Variants in TFDP2 observed in about 807,000 individuals in gnomAD.
TFDP2 encodes the protein transcription factor Dp-2 (E2F dimerization partner 2).
A neutral mutation model predicts 59.3 loss-of-function variants in TFDP2; 17 were observed. The ratio of observed to expected loss-of-function variants is 0.29; its 90% CI spans 0.20 to 0.43. The LOEUF is 0.43. Ranked by LOEUF, TFDP2 falls within the 20% of genes least tolerant of loss-of-function variation. TFDP2 has a pLI of 1.00. For synonymous variants in TFDP2, 180 were observed against 194.7 expected (o/e 0.92, Z 0.63); for missense variants, 391 against 528.8 (o/e 0.74, Z 2.56).
intron 3 of TFDP2, among the ~76,000 whole-genome samples, chr3:142,052,323 G>T (rs1469813971): frequency 6.6e-6 from 1 of 151,946 alleles, no homozygotes; most frequent in Non-Finnish European, 1.5e-5. Context: ...AGATCACAAG[G>T]TCAGGAGATC....
At chr3:142,107,829 TAATA>T (rs1208385989) in intron 1 of TFDP2, among the ~76,000 whole-genome samples, 2 of 152,146 alleles carry the variant, frequency 1.3e-5, no homozygotes, top group South Asian at 2.1e-4. Context: ...ACTTGAGATA[TAATA>T]AATATATTCT....
chr3:141,993,643 A>C, intron 5 of TFDP2, 58 bp from the exon 6 acceptor site: 1 of 1,013,342 alleles, frequency 9.9e-7, no homozygotes, highest in Non-Finnish European at 1.5e-6. Context: ...ATTTAATTTC[A>C]TTAATACTTT....
intron 1 of TFDP2, among the ~76,000 whole-genome samples, chr3:142,129,743 G>A (rs1441509920): frequency 1.3e-5 from 2 of 150,940 alleles, no homozygotes; most frequent in Non-Finnish European, 3.0e-5. Context: ...GGCCAAACCA[G>A]CCTGGACAAC....
chr3:142,141,410 G>A (rs1235730606), intron 1 of TFDP2, among the ~76,000 whole-genome samples: 1 of 152,208 alleles, frequency 6.6e-6, no homozygotes, highest in Admixed American at 6.5e-5. Context: ...GATGAACCAG[G>A]TACCTCAGTT....
At chr3:142,057,054 C>T (rs1254608923) in intron 3 of TFDP2, among the ~76,000 whole-genome samples, 1 of 152,180 alleles carries the variant, frequency 6.6e-6, no homozygotes, top group Non-Finnish European at 1.5e-5. Context: ...TTCTTATGAA[C>T]AGGCCTACAC....
chr3:142,064,791 T>A (rs1432216682), intron 3 of TFDP2, among the ~76,000 whole-genome samples: 19 of 152,214 alleles, frequency 1.2e-4, no homozygotes, highest in Admixed American at 9.2e-4. Context: ...CAAAGTTGTA[T>A]AATTCTACCT....
rs936893347 is a variant in TFDP2, at chr3:142,065,698, A to G, written c.82+27363T>C. The stretch of plus-strand genomic sequence containing the variant: ...GGCTAATTTTTGTATTTTTTAGTAA[A>G]GAGGAGGTTTCGCCATGTTGGCCAG... On this transcript the variant is annotated intron_variant, in intron 3 of 12. Coordinates refer to ENST00000489671, the MANE Select transcript of TFDP2 (RefSeq NM_001178139.2). Among the ~76,000 whole-genome samples, 3 of 151,014 alleles carry G rather than the reference A, an allele frequency of 2.0e-5. No homozygotes were observed. The South Asian group carries it at 6.3e-4, about 32-fold the overall frequency.
At chr3:141,987,581 CGTGT>C (rs113061424) in intron 6 of TFDP2, among the ~76,000 whole-genome samples, 7 of 118,560 alleles carry the variant, frequency 5.9e-5, no homozygotes, top group African/African-American at 9.4e-5. Context: ...CTGCGCCTGG[CGTGT>C]GTGTGTGTGT....
At chr3:142,044,007 C>T (rs1302726837) in intron 3 of TFDP2, 7 of 698,988 alleles carry the variant, frequency 1.0e-5, no homozygotes, top group African/African-American at 1.8e-5. Flanking sequence ...GGTCTTTTTC[C>T]GGCATCAAGC....
At chr3:142,045,613 T>C (rs1184100748) in intron 3 of TFDP2, among the ~76,000 whole-genome samples, 4 of 3,690 alleles carry the variant, frequency 1.1e-3, no homozygotes, top group Non-Finnish European at 1.7e-3. Flanking sequence ...ATTATTTGAC[T>C]TTTTTTTTTT....
chr3:141,962,776 T>C (rs1051291714), intron 10 of TFDP2, among the ~76,000 whole-genome samples: 1 of 152,212 alleles, frequency 6.6e-6, no homozygotes, highest in Admixed American at 6.5e-5. Flanking sequence ...CAAGTAGCAG[T>C]GAAGCCCAAG....
At chr3:142,130,506 T>A (rs1288645497) in intron 1 of TFDP2, among the ~76,000 whole-genome samples, 3 of 151,650 alleles carry the variant, frequency 2.0e-5, no homozygotes, top group Non-Finnish European at 4.4e-5. Context: ...TTTTTTTTTA[T>A]ACTTTTAAGT....
chr3:141,993,441 T>C, intron 6 of TFDP2, 97 bp downstream of exon 6: 1 of 704,758 alleles, frequency 1.4e-6, no homozygotes, highest in Non-Finnish European at 2.3e-6. Context: ...TAAAGTTACA[T>C]GAAGAAAAAC....
At chr3:141,991,469 A>G (rs776062401) in intron 6 of TFDP2, among the ~76,000 whole-genome samples, 12 of 152,054 alleles carry the variant, frequency 7.9e-5, no homozygotes, top group Admixed American at 2.0e-4. Context: ...AGTAAAAAAT[A>G]AAAAAAAGGC....
intron 6 of TFDP2, among the ~76,000 whole-genome samples, chr3:141,980,654 G>C (rs535945260): frequency 2.6e-5 from 4 of 152,176 alleles, no homozygotes; most frequent in Admixed American, 2.6e-4. Flanking sequence ...TCCTGCTTCA[G>C]CCTCCCGAGT....
intron 3 of TFDP2, among the ~76,000 whole-genome samples, chr3:142,047,736 C>CTTT (rs10707832): frequency 3.6e-5 from 4 of 112,476 alleles, no homozygotes; most frequent in Admixed American, 1.0e-4. Context: ...AACTAATATG[C>CTTT]TTTTTTTTTT....
chr3:142,043,147 C>G (rs987178567), intron 3 of TFDP2, among the ~76,000 whole-genome samples: 2 of 149,204 alleles, frequency 1.3e-5, no homozygotes, highest in Non-Finnish European at 3.0e-5. Context: ...CCCGGGTTCA[C>G]GCCATTCTCC....
intron 4 of TFDP2, among the ~76,000 whole-genome samples, chr3:141,996,726 T>C (rs1480988455): frequency 6.6e-6 from 1 of 152,232 alleles, no homozygotes; most frequent in Non-Finnish European, 1.5e-5. Context: ...TATTAAAGTC[T>C]AGTCAACATT....
chr3:141,990,051 G>A (rs768902922), intron 6 of TFDP2, among the ~76,000 whole-genome samples: 21 of 151,648 alleles, frequency 1.4e-4, no homozygotes, highest in South Asian at 4.2e-4. Flanking sequence ...GTGCCACCAC[G>A]CTTGACTAAT....
Sources: gnomAD v4.1 joint callset for allele counts (sites outside exome capture counted in the v4.1 genomes callset) on GRCh38, gnomAD v4.1.1 for gene constraint, MANE v1.5 for transcripts, NCBI Gene and HGNC (gene_info 2026-07-23, HGNC 2026-07-21) for gene names.